The following NCAM2 variants were observed in gnomAD, a reference collection of about 807,000 sequenced individuals.
NCAM2 encodes the protein N-CAM-2.
In NCAM2, 30 loss-of-function variants were observed where a neutral mutation model predicts 98.1. The ratio of observed to expected loss-of-function variants is 0.31; its 90% CI spans 0.23 to 0.41. The LOEUF (loss-of-function observed/expected upper bound fraction) is 0.41. NCAM2 is among the 10% of genes least tolerant of loss of function. The probability of loss-of-function intolerance (pLI) is 1.00; values close to 1 mark genes in which losing one functional copy is unlikely to be tolerated. For missense variants in NCAM2, 867 were observed against 1,005.8 expected (o/e 0.86, Z 1.87); for synonymous variants, 368 against 342.4 (o/e 1.07, Z -0.83).
chr21:21,140,910 C>T (rs1052691625), intron 1 of NCAM2, among the ~76,000 whole-genome samples: 1 of 152,046 alleles, frequency 6.6e-6, no homozygotes, highest in Non-Finnish European at 1.5e-5. Context: ...TTACAGTGTG[C>T]AGAAACAACA....
At chr21:21,378,502 G>A (rs1285805987) in intron 9 of NCAM2, among the ~76,000 whole-genome samples, 1 of 151,928 alleles carries the variant, frequency 6.6e-6, no homozygotes, top group Non-Finnish European at 1.5e-5. Flanking sequence ...AAGATAATTT[G>A]CCCATTTTAA....
intron 1 of NCAM2, among the ~76,000 whole-genome samples, chr21:21,009,014 T>C (rs1294171789): frequency 1.3e-5 from 2 of 152,156 alleles, no homozygotes; most frequent in East Asian, 1.9e-4. Context: ...TGACCTTCCA[T>C]GTGAACTCCA....
chr21:21,363,335 A>G (rs2075696408), intron 8 of NCAM2, among the ~76,000 whole-genome samples: 1 of 152,160 alleles, frequency 6.6e-6, no homozygotes, highest in South Asian at 2.1e-4. Context: ...GATCAGCATC[A>G]TAAGTTGTCA....
chr21:21,383,842 T>C lies in NCAM2; in HGVS notation c.1195+9829T>C, dbSNP rs958011316. 2.6e-5 allele frequency among the ~76,000 whole-genome samples: 4 copies of C among 152,180 alleles called. No individual in the cohort carries two copies. In the East Asian group the frequency reaches 7.7e-4, roughly 29 times the overall value. ...TTTTAAAATTTATTTTTCACATTGT[T>C]TAGAGTATTTTACATCATATATTCT... On this transcript the variant is annotated intron_variant, in intron 9 of 17. Coordinates refer to ENST00000400546, the MANE Select transcript of NCAM2 (RefSeq NM_004540.5).
Position 21,048,322 on chromosome 21 carries a change from C to T in NCAM2, c.55+49704C>T, listed in dbSNP as rs544842945. 7.9e-5 allele frequency among the ~76,000 whole-genome samples: 12 copies of T among 152,194 alleles called. No individual in the cohort carries two copies. The East Asian group carries it at 2.1e-3, about 27-fold the overall frequency. On this transcript the variant is annotated intron_variant, in intron 1 of 17. Transcript: ENST00000400546. ...ATTTACCCATAGCCTGGAAGACCCC[C>T]TTTAAGTTGTCCCCCCTTTCTGAAC...
intron 1 of NCAM2, among the ~76,000 whole-genome samples, chr21:21,187,544 G>A (rs949727817): frequency 2.0e-5 from 3 of 151,928 alleles, no homozygotes; most frequent in African/African-American, 7.3e-5. Context: ...CTGGGTCATG[G>A]AGGGCTTTCA....
intron 5 of NCAM2, among the ~76,000 whole-genome samples, chr21:21,298,606 GATA>G (rs2073582429): frequency 6.6e-6 from 1 of 151,308 alleles, no homozygotes; most frequent in Non-Finnish European, 1.5e-5. Context: ...TAGATAGATA[GATA>G]GATAGATAGA....
At chr21:21,081,357 C>G (rs901907080) in intron 1 of NCAM2, among the ~76,000 whole-genome samples, 2 of 152,062 alleles carry the variant, frequency 1.3e-5, no homozygotes, top group African/African-American at 2.4e-5. Context: ...CCGGCTGTCA[C>G]CAAGTATTAT....
intron 1 of NCAM2, among the ~76,000 whole-genome samples, chr21:21,216,804 C>T (rs2069921226): frequency 6.6e-6 from 1 of 152,176 alleles, no homozygotes; most frequent in African/African-American, 2.4e-5. Context: ...AGAGAGTCTG[C>T]TTCAGGTTCC....
intron 8 of NCAM2, among the ~76,000 whole-genome samples, chr21:21,370,735 TG>T (rs2075896411): frequency 6.6e-6 from 1 of 151,806 alleles, no homozygotes; most frequent in South Asian, 2.1e-4. Context: ...CTGTGGGATG[TG>T]GGCTAGTTAT....
At chr21:21,301,198 T>C (rs952700628) in intron 5 of NCAM2, among the ~76,000 whole-genome samples, 2 of 152,088 alleles carry the variant, frequency 1.3e-5, no homozygotes, top group Non-Finnish European at 2.9e-5. Context: ...CTGTTTATTC[T>C]ATTGATTGCT....
intron 16 of NCAM2, among the ~76,000 whole-genome samples, chr21:21,511,363 C>T (rs542485956): frequency 9.2e-5 from 14 of 151,964 alleles, no homozygotes; most frequent in Non-Finnish European, 1.9e-4. Context: ...GCAGCTCCCA[C>T]ATATGAATGA....
At chr21:21,160,273 T>A (rs2146773275) in intron 1 of NCAM2, among the ~76,000 whole-genome samples, 1 of 152,150 alleles carries the variant, frequency 6.6e-6, no homozygotes, top group African/African-American at 2.4e-5. Flanking sequence ...TACTTAGTAA[T>A]GCCACTGATC....
At chr21:21,406,741 T>C (rs1045100773) in intron 9 of NCAM2, among the ~76,000 whole-genome samples, 4 of 152,234 alleles carry the variant, frequency 2.6e-5, no homozygotes, top group Non-Finnish European at 5.9e-5. Context: ...TGTAGAATCA[T>C]ATTTTGATTT....
At chr21:21,139,950 A>G (rs2067132568) in intron 1 of NCAM2, among the ~76,000 whole-genome samples, 1 of 152,184 alleles carries the variant, frequency 6.6e-6, no homozygotes, top group African/African-American at 2.4e-5. Context: ...TTTCTATGAT[A>G]AGAAAACATT....
At chr21:21,535,660 A>G (rs1721434977) in intron 17 of NCAM2, among the ~76,000 whole-genome samples, 1 of 152,132 alleles carries the variant, frequency 6.6e-6, no homozygotes, top group South Asian at 2.1e-4. Flanking sequence ...AGAGATTATT[A>G]CAATGTAAAT....
At chr21:21,527,297 G>C (rs1989380125) in intron 16 of NCAM2, among the ~76,000 whole-genome samples, 1 of 151,928 alleles carries the variant, frequency 6.6e-6, no homozygotes, top group South Asian at 2.1e-4. Context: ...ATTTTTAGTA[G>C]AGATGAGGTT....
At chr21:21,155,189 A>G (rs2067575663) in intron 1 of NCAM2, among the ~76,000 whole-genome samples, 1 of 151,146 alleles carries the variant, frequency 6.6e-6, no homozygotes, top group South Asian at 2.1e-4. Context: ...ATTGTAAGAT[A>G]CTACACTAAA....
chr21:21,070,424 TAACA>T (rs2065537918), intron 1 of NCAM2, among the ~76,000 whole-genome samples: 1 of 151,950 alleles, frequency 6.6e-6, no homozygotes, highest in South Asian at 2.1e-4. Context: ...TGCACTAATA[TAACA>T]AACAGAAACT....
Sources: allele counts gnomAD v4.1 joint callset (sites outside exome capture counted in the v4.1 genomes callset), GRCh38; gene constraint gnomAD v4.1.1; transcripts MANE v1.5; gene names NCBI Gene and HGNC (gene_info 2026-07-23, HGNC 2026-07-21).